Variants in ZXDC observed in about 807,000 individuals in gnomAD.
The protein encoded by ZXDC is zinc finger protein ZXDC.
Under a neutral mutation model 63.6 loss-of-function variants are expected in ZXDC, and 58 were observed. The ratio of observed to expected loss-of-function variants is 0.91; its 90% CI spans 0.74 to 1.13. The LOEUF (loss-of-function observed/expected upper bound fraction) is 1.13. Among genes scored for constraint, ZXDC ranks in the 50% most tolerant of loss-of-function variants. The probability of loss-of-function intolerance (pLI) is 0.00; values close to 1 mark genes in which losing one functional copy is unlikely to be tolerated. For synonymous variants in ZXDC, 561 were observed against 496.1 expected (o/e 1.13, Z -1.74); for missense variants, 1,133 against 1,148.9 (o/e 0.99, Z 0.20).
chr3:126,439,678 G>C lies in ZXDC; in HGVS notation c.2444C>G (p.Thr815Ser). 1 of 1,553,646 alleles carries C rather than the reference G, an allele frequency of 6.4e-7. No homozygotes were observed. Among genetic ancestry groups the C allele is most frequent in the Non-Finnish European group, 8.7e-7 (1 of 1,147,850 alleles). ...GVLPSARGPA[T>S]FLPFLTVDLP... ...GTCCACAGTGAGGAAGGGGAGGAAG[G>C]TGGCTGGGCCGCGGGCCGAGGGCAG... Residue 815 changes from threonine (T) to serine (S), a missense_variant, in exon 9 of 10, where the codon ACC becomes AGC. By Grantham distance (58) the Thr-to-Ser change is moderately conservative (BLOSUM62 1). Transcript: ENST00000389709.
chr3:126,441,613 A>G, intron 8 of ZXDC, 152 bp downstream of exon 8: 2 of 1,374,738 alleles, frequency 1.5e-6, no homozygotes, highest in South Asian at 3.7e-5. Flanking sequence ...AGGAGACAGG[A>G]CTTGGGGCAG....
At chr3:126,461,461 A>G in intron 6 of ZXDC, 74 bp downstream of exon 6, 1 of 1,511,546 alleles carries the variant, frequency 6.6e-7, no homozygotes, top group Non-Finnish European at 8.8e-7. Flanking sequence ...AGAAAGGATT[A>G]ATCCAGAATA....
At position 126,466,197 on chromosome 3, in the gene ZXDC, T is replaced by A; in HGVS notation, c.1399A>T (p.Ser467Cys). The A allele has an allele frequency of 6.2e-7, 1 of 1,614,232 alleles. No individual in the cohort carries two copies. Among genetic ancestry groups the A allele is most frequent in the African/African-American group, 1.3e-5 (1 of 75,058 alleles). Residue 467 changes from serine (S) to cysteine (C), a missense_variant, in exon 5 of 10, where the codon AGC (serine) becomes TGC (cysteine). Coordinates refer to ENST00000389709, the MANE Select transcript of ZXDC (RefSeq NM_025112.5). Reference protein sequence around the residue: ...TCNRLFTSKHSMKAHMVRQHS... With the variant: ...TCNRLFTSKHCMKAHMVRQHS... ...TGTCTGACCATGTGCGCCTTCATGC[T>A]GTGCTTGGAGGTGAAGAGTCTGTTG...
chr3:126,458,237 C>CT (rs11289191), intron 7 of ZXDC, among the ~76,000 whole-genome samples: 13 of 116,060 alleles, frequency 1.1e-4, no homozygotes, highest in Non-Finnish European at 2.2e-4. Flanking sequence ...AATGTCCTTA[C>CT]TTTTTTTTTT....
chr3:126,438,501 G>A, intron 9 of ZXDC, 40 bp from the exon 10 acceptor site: 1 of 1,571,068 alleles, frequency 6.4e-7, no homozygotes, highest in Non-Finnish European at 8.7e-7. Context: ...GAGGAGGGAG[G>A]GGAGGCAGAG....
intron 8 of ZXDC, chr3:126,440,988 C>T (rs1048319137): frequency 1.0e-6 from 1 of 985,642 alleles, no homozygotes; most frequent in Non-Finnish European, 1.2e-6. Flanking sequence ...TCCCCTGCCA[C>T]AGGGAATCTA....
chr3:126,440,346 G>A, intron 8 of ZXDC: 2 of 986,652 alleles, frequency 2.0e-6, no homozygotes, highest in South Asian at 4.7e-5. Context: ...CCTTCTGTTT[G>A]AGAAGCTCCT....
chr3:126,454,536 G>A, intron 7 of ZXDC: 3 of 985,306 alleles, frequency 3.0e-6, no homozygotes, highest in Non-Finnish European at 3.6e-6. Context: ...TTTCCATACA[G>A]GGTGCACCTC....
At chr3:126,466,553 G>A (rs917284818) in intron 4 of ZXDC, among the ~76,000 whole-genome samples, 1 of 152,228 alleles carries the variant, frequency 6.6e-6, no homozygotes, top group African/African-American at 2.4e-5. Context: ...GAGATTTGAA[G>A]TCCTACCTCA....
At position 126,439,689 on chromosome 3, in the gene ZXDC, G is replaced by A. The variant is rs1049923991; in HGVS notation, c.2433C>T (p.Arg811=). ...PSGEGVLPSA[R]GPATFLPFLT... ...GGAAGGGGAGGAAGGTGGCTGGGCC[G>A]CGGGCCGAGGGCAGGACACCTTCGC... The change falls in exon 9 of 10, where the codon CGC becomes CGT. Residue 811 remains arginine (R), a synonymous_variant. Transcript: ENST00000389709. 28 of 1,552,814 alleles carry A rather than the reference G, an allele frequency of 1.8e-5. 1 individual carries two copies. Among genetic ancestry groups the A allele is most frequent in the South Asian group, 9.5e-5 (8 of 84,164 alleles).
At chr3:126,453,457 C>A (rs553589379) in intron 7 of ZXDC, 1 of 985,448 alleles carries the variant, frequency 1.0e-6, no homozygotes, top group African/African-American at 1.7e-5. Flanking sequence ...CACAAACTTG[C>A]ATTTAGTTTT....
intron 1 of ZXDC, among the ~76,000 whole-genome samples, chr3:126,473,930 T>C (rs1935076083): frequency 6.6e-6 from 1 of 152,156 alleles, no homozygotes; most frequent in Non-Finnish European, 1.5e-5. Context: ...AATCCTTTCT[T>C]GCCCTTCTGG....
chr3:126,459,854 A>G (rs1442274951), intron 6 of ZXDC, 117 bp from the exon 7 acceptor site: 5 of 1,574,432 alleles, frequency 3.2e-6, no homozygotes, highest in Non-Finnish European at 4.3e-6. Flanking sequence ...CCAAAACCAG[A>G]GTCACCAGCA....
chr3:126,441,294 CCCCCACCACCTTCAGCATAGAAAGG>C lies in ZXDC; in HGVS notation c.2394+446_2394+470del, dbSNP rs1462807879. The C allele has an allele frequency of 5.0e-6, 5 of 991,260 alleles. No homozygotes were observed. The African/African-American group carries it at 8.7e-5, about 17-fold the overall frequency. 61.4% of individuals were successfully genotyped at this position (991,260 alleles called of 1,614,324 possible). A position where few individuals can be genotyped will look rare whatever the true frequency, so the allele number is the denominator to read the frequency against. On this transcript the variant is annotated intron_variant, in intron 8 of 9. Coordinates refer to ENST00000389709, the MANE Select transcript of ZXDC (RefSeq NM_025112.5). ...AGAAAATAGAAAAACACTGAAAAGA[CCCCCACCACCTTCAGCATAGAAAGG>C]CTGCTAGTGCGCCACAAGCAGGCCG...
intron 7 of ZXDC, among the ~76,000 whole-genome samples, chr3:126,450,801 T>C (rs1247347650): frequency 6.6e-6 from 1 of 152,218 alleles, no homozygotes; most frequent in East Asian, 1.9e-4. Context: ...TCCAACCTGA[T>C]CACCCATTGG....
rs553556255 is a variant in ZXDC at position 126,440,123 on chromosome 3, C to A, written c.2395-396G>T. 5.9e-6 allele frequency: 6 copies of A among 1,024,564 alleles called. No individual in the cohort carries two copies. The South Asian group carries it at 2.4e-4, about 41-fold the overall frequency. The allele number at this position is 1,024,564 out of a possible 1,614,324, so 63.5% of individuals were successfully genotyped here. ...GCAAATCCTCGGGCCCCACAGAGGG[C>A]CTTCCCTGCATGCCCCAGCTTGCCT... On this transcript the variant is annotated intron_variant, in intron 8 of 9. Coordinates refer to ENST00000389709, the MANE Select transcript of ZXDC (RefSeq NM_025112.5).
intron 5 of ZXDC, among the ~76,000 whole-genome samples, chr3:126,463,521 A>C (rs1382234295): frequency 6.6e-6 from 1 of 152,284 alleles, no homozygotes; most frequent in Admixed American, 6.5e-5. Flanking sequence ...ATTTTAATGC[A>C]TAGGCAAGTT....
rs750265048 is a variant in ZXDC at position 126,475,688 on chromosome 3, C to T, written c.178G>A (p.Gly60Arg). The change falls in exon 1 of 10, where the codon GGG becomes AGG. Residue 60 changes from glycine (G) to arginine (R), a missense_variant. Physicochemically the swap from Gly to Arg is moderately radical, Grantham distance 125. Coordinates refer to ENST00000389709, the MANE Select transcript of ZXDC (RefSeq NM_025112.5). ...GPGARPGEAS[G>R]PSPPPAEDDS... ...TCCTCGGCGGGCGGCGGGCTTGGCC[C>T]GGAGGCCTCCCCGGGCCGCGCCCCG... 15 of 1,341,154 alleles carry T rather than the reference C, an allele frequency of 1.1e-5. No homozygotes were observed. Among genetic ancestry groups the T allele is most frequent in the Non-Finnish European group, 1.3e-5 (14 of 1,045,304 alleles). The allele number at this position is 1,341,154 out of a possible 1,614,324, so 83.1% of individuals were successfully genotyped here. A position where few individuals can be genotyped will look rare whatever the true frequency, so the allele number is the denominator to read the frequency against.
chr3:126,444,333 C>A (rs180899240), intron 7 of ZXDC, among the ~76,000 whole-genome samples: 2,332 of 152,252 alleles, frequency 0.015, 63 homozygotes, highest in African/African-American at 0.05. Flanking sequence ...GAGATCGAGA[C>A]CATCCTGGCT....
Sources: gnomAD v4.1 joint callset for allele counts (sites outside exome capture counted in the v4.1 genomes callset) on GRCh38, gnomAD v4.1.1 for gene constraint, MANE v1.5 for transcripts, NCBI Gene and HGNC (gene_info 2026-07-23, HGNC 2026-07-21) for gene names.